Variants in ROR1 observed in about 807,000 individuals in gnomAD.
ROR1 encodes the protein ROR family WNT receptor 1, also known as inactive tyrosine-protein kinase transmembrane receptor ROR1.
Under a neutral mutation model 78.8 loss-of-function variants are expected in ROR1, and 19 were observed. The observed-to-expected ratio is 0.24, with a 90% CI of 0.17 to 0.35. ROR1 has a LOEUF of 0.35. Ranked by LOEUF, ROR1 falls within the 10% of genes least tolerant of loss-of-function variation. The pLI, the probability that ROR1 is intolerant of heterozygous loss-of-function variation, is 1.00. For missense variants in ROR1, 917 were observed against 1,177.8 expected, an observed-to-expected ratio of 0.78 and a Z score of 3.24; for synonymous variants, 386 against 433.6, an observed-to-expected ratio of 0.89 and a Z score of 1.36.
chr1:64,127,490 G>C (rs1223715808), intron 4 of ROR1, among the ~76,000 whole-genome samples: 3 of 141,890 alleles, frequency 2.1e-5, no homozygotes, highest in Non-Finnish European at 4.6e-5. Flanking sequence ...TCCTCTCTCT[G>C]TCTCTCTCTC....
intron 1 of ROR1, among the ~76,000 whole-genome samples, chr1:63,802,315 G>A (rs895425894): frequency 4.6e-5 from 7 of 152,106 alleles, no homozygotes. Context: ...ACACTAGGTG[G>A]GGTGCTCTAT....
intron 4 of ROR1, among the ~76,000 whole-genome samples, chr1:64,081,942 C>G (rs997987697): frequency 6.6e-6 from 1 of 152,168 alleles, no homozygotes; most frequent in South Asian, 2.1e-4. Context: ...ATGTTTATAA[C>G]GTTTTTAATA....
chr1:64,053,096 T>C (rs973716213), intron 4 of ROR1, among the ~76,000 whole-genome samples: 10 of 152,186 alleles, frequency 6.6e-5, no homozygotes, highest in Non-Finnish European at 1.2e-4. Context: ...AGGTTGTTTG[T>C]CAAATTGTAC....
chr1:63,899,906 A>G (rs765205191), intron 1 of ROR1, among the ~76,000 whole-genome samples: 2 of 152,054 alleles, frequency 1.3e-5, no homozygotes, highest in Non-Finnish European at 2.9e-5. Flanking sequence ...ACAGAAGGGA[A>G]AAATGACTTA....
Position 63,829,030 on chromosome 1 carries a change from T to G in ROR1, c.91+54522T>G, listed in dbSNP as rs573304445. 3.9e-5 allele frequency among the ~76,000 whole-genome samples: 6 copies of G among 152,384 alleles called. No individual in the cohort carries two copies. In the East Asian group the frequency reaches 9.6e-4, roughly 24 times the overall value. On this transcript the variant is annotated intron_variant, in intron 1 of 8. Coordinates refer to ENST00000371079, the MANE Select transcript of ROR1 (RefSeq NM_005012.4). Reference sequence around the variant, plus strand: ...ATTGATGTACTGATATATTGACTTATTTATTTGGGAATGTGAGCTCCACCA... The same window carrying G: ...ATTGATGTACTGATATATTGACTTAGTTATTTGGGAATGTGAGCTCCACCA...
At chr1:64,081,150 C>T (rs989534311) in intron 4 of ROR1, among the ~76,000 whole-genome samples, 2 of 152,136 alleles carry the variant, frequency 1.3e-5, no homozygotes, top group Admixed American at 1.3e-4. Context: ...ACAGAAATAG[C>T]CCAAGGCTGA....
chr1:63,945,902 T>C (rs1645884687), intron 1 of ROR1, among the ~76,000 whole-genome samples: 1 of 152,210 alleles, frequency 6.6e-6, no homozygotes, highest in Admixed American at 6.5e-5. Context: ...ATAATTTTAG[T>C]CCCTCTACTT....
At chr1:64,175,061 TTAAA>T (rs1235999982) in intron 8 of ROR1, among the ~76,000 whole-genome samples, 10 of 151,148 alleles carry the variant, frequency 6.6e-5, no homozygotes, top group East Asian at 1.9e-4. Context: ...ATTTAATAAA[TTAAA>T]TAGTTATTTA....
chr1:63,980,073 G>A (rs1295493652), intron 1 of ROR1, among the ~76,000 whole-genome samples: 1 of 151,936 alleles, frequency 6.6e-6, no homozygotes, highest in Admixed American at 6.6e-5. Flanking sequence ...TATGAACAGA[G>A]GAGAGTGATT....
intron 1 of ROR1, among the ~76,000 whole-genome samples, chr1:63,998,971 C>G (rs924601779): frequency 2.0e-5 from 3 of 152,206 alleles, no homozygotes; most frequent in Non-Finnish European, 2.9e-5. Flanking sequence ...CTCTCATCCT[C>G]TCTTGCCAAC....
intron 4 of ROR1, among the ~76,000 whole-genome samples, chr1:64,055,827 A>G (rs1253223488): frequency 6.6e-6 from 1 of 152,196 alleles, no homozygotes; most frequent in Non-Finnish European, 1.5e-5. Context: ...GAACATTTTC[A>G]TCATCTCAAA....
At chr1:64,171,673 T>C (rs1650246031) in intron 8 of ROR1, among the ~76,000 whole-genome samples, 1 of 152,194 alleles carries the variant, frequency 6.6e-6, no homozygotes, top group Admixed American at 6.5e-5. Flanking sequence ...CTTATGAATA[T>C]GGATCCTGTT....
chr1:63,925,452 T>C (rs1645694279), intron 1 of ROR1, among the ~76,000 whole-genome samples: 1 of 152,112 alleles, frequency 6.6e-6, no homozygotes, highest in Non-Finnish European at 1.5e-5. Context: ...TTTGCTATCG[T>C]GAATAATGCC....
At chr1:63,941,760 G>A (rs1228409697) in intron 1 of ROR1, among the ~76,000 whole-genome samples, 1 of 152,036 alleles carries the variant, frequency 6.6e-6, no homozygotes, top group Non-Finnish European at 1.5e-5. Context: ...TTAGACACTT[G>A]TGTTTATAAA....
At chr1:63,923,878 G>A (rs855809) in intron 1 of ROR1, among the ~76,000 whole-genome samples, 130,207 of 151,526 alleles carry the variant, frequency 0.86, 56,341 homozygotes, top group East Asian at 0.99. Context: ...GGTCATGACG[G>A]CCTTCTTTTT....
At chr1:63,941,749 A>G (rs1295450776) in intron 1 of ROR1, among the ~76,000 whole-genome samples, 2 of 152,162 alleles carry the variant, frequency 1.3e-5, no homozygotes, top group African/African-American at 4.8e-5. Flanking sequence ...CCTTCTATGT[A>G]TTAGACACTT....
At chr1:64,118,663 A>G (rs1285274750) in intron 4 of ROR1, among the ~76,000 whole-genome samples, 2 of 146,806 alleles carry the variant, frequency 1.4e-5, no homozygotes, top group Non-Finnish European at 3.0e-5. Flanking sequence ...AAAAAAAAAG[A>G]ATTAGATGGA....
intron 1 of ROR1, among the ~76,000 whole-genome samples, chr1:63,776,082 G>A (rs1644614705): frequency 6.6e-6 from 1 of 152,256 alleles, no homozygotes; most frequent in Non-Finnish European, 1.5e-5. Flanking sequence ...TTGAGGTGGA[G>A]ATAAGCAGGG....
chr1:63,989,171 T>TTTTTTC, intron 1 of ROR1, among the ~76,000 whole-genome samples: 1 of 151,332 alleles, frequency 6.6e-6, no homozygotes, highest in African/African-American at 2.4e-5. Context: ...TGTTTTTGTT[T>TTTTTTC]TTTTTTTTTT....
Sources: gnomAD v4.1 joint callset for allele counts (sites outside exome capture counted in the v4.1 genomes callset) on GRCh38, gnomAD v4.1.1 for gene constraint, MANE v1.5 for transcripts, NCBI Gene and HGNC (gene_info 2026-07-23, HGNC 2026-07-21) for gene names.